The following SUGCT variants were observed in gnomAD, a reference collection of about 807,000 sequenced individuals.
The protein encoded by SUGCT is succinyl-CoA:glutarate CoA-transferase.
A neutral mutation model predicts 55.0 loss-of-function variants in SUGCT; 41 were observed. The observed-to-expected ratio is 0.74, with a 90% CI of 0.58 to 0.97. The LOEUF (loss-of-function observed/expected upper bound fraction) is 0.97. SUGCT is among the 50% of genes least tolerant of loss of function. SUGCT has a pLI of 0.00. For synonymous variants in SUGCT, 187 were observed against 200.4 expected (o/e 0.93, Z 0.56); for missense variants, 568 against 547.8 (o/e 1.04, Z -0.37).
intron 1 of SUGCT, chr7:40,151,836 T>C (rs1050508790): frequency 1.3e-5 from 2 of 152,284 alleles, no homozygotes; most frequent in African/African-American, 4.8e-5. Context: ...CTCCAATCAG[T>C]TTCCCTTAAA....
At chr7:40,884,605 T>C in the SUGCT span, among the ~76,000 whole-genome samples, 1 of 152,170 alleles carries the variant, frequency 6.6e-6, no homozygotes, top group Non-Finnish European at 1.5e-5. Flanking sequence ...TTCCCGCATT[T>C]TTCAAGCAGA....
chr7:41,038,591 G>A, the SUGCT span, among the ~76,000 whole-genome samples: 1 of 152,292 alleles, frequency 6.6e-6, no homozygotes, highest in Non-Finnish European at 1.5e-5. Flanking sequence ...AAGGTGAGTT[G>A]CCTCCTCATC....
At chr7:40,537,817 T>A (rs997771616) in intron 12 of SUGCT, among the ~76,000 whole-genome samples, 1 of 152,164 alleles carries the variant, frequency 6.6e-6, no homozygotes, top group Non-Finnish European at 1.5e-5. Context: ...CCAAACATGG[T>A]CACATGAGGC....
intron 8 of SUGCT, among the ~76,000 whole-genome samples, chr7:40,296,793 C>T (rs1048274334): frequency 7.2e-5 from 11 of 151,738 alleles, no homozygotes; most frequent in Non-Finnish European, 1.5e-4. Flanking sequence ...TAATTGATTT[C>T]GAGCTTATTG....
chr7:40,339,630 C>T (rs1025844093), intron 9 of SUGCT, among the ~76,000 whole-genome samples: 4 of 152,186 alleles, frequency 2.6e-5, no homozygotes, highest in African/African-American at 9.7e-5. Flanking sequence ...CCCGATTTTC[C>T]AGGTGCCATC....
intron 11 of SUGCT, among the ~76,000 whole-genome samples, chr7:40,474,592 C>T (rs1790560295): frequency 6.6e-6 from 1 of 152,174 alleles, no homozygotes; most frequent in African/African-American, 2.4e-5. Context: ...CAGCATGGAA[C>T]TGTTTATACT....
At chr7:40,944,905 A>T in the SUGCT span, among the ~76,000 whole-genome samples, 1 of 152,196 alleles carries the variant, frequency 6.6e-6, no homozygotes, top group Non-Finnish European at 1.5e-5. Context: ...GTTCCTTTGT[A>T]GAGGATGATG....
intron 9 of SUGCT, among the ~76,000 whole-genome samples, chr7:40,348,739 G>T (rs187733908): frequency 2.5e-4 from 38 of 151,982 alleles, no homozygotes; most frequent in African/African-American, 8.7e-4. Context: ...TTTTAGATTT[G>T]TCCTGCATAT....
At chr7:40,961,136 G>C in the SUGCT span, among the ~76,000 whole-genome samples, 2 of 152,272 alleles carry the variant, frequency 1.3e-5, no homozygotes, top group East Asian at 3.9e-4. Flanking sequence ...CCACACTCCT[G>C]ATAAAAGTTA....
At chr7:40,772,530 CTA>C in intron 13 of SUGCT, among the ~76,000 whole-genome samples, 2 of 151,214 alleles carry the variant, frequency 1.3e-5, no homozygotes, top group Non-Finnish European at 1.5e-5. Context: ...ATCTATCTAT[CTA>C]TCTATCTATC....
chr7:41,028,431 A>T, the SUGCT span, among the ~76,000 whole-genome samples: 1 of 152,230 alleles, frequency 6.6e-6, no homozygotes, highest in Non-Finnish European at 1.5e-5. Context: ...TGAGTTGCTT[A>T]ACAACTGGGG....
chr7:40,670,676 T>C (rs748069552), intron 12 of SUGCT, among the ~76,000 whole-genome samples: 3 of 152,110 alleles, frequency 2.0e-5, no homozygotes, highest in Non-Finnish European at 4.4e-5. Context: ...ACAACTTAGA[T>C]GGAATTGGCC....
chr7:40,429,771 C>T (rs1217094788), intron 9 of SUGCT, among the ~76,000 whole-genome samples: 1 of 152,178 alleles, frequency 6.6e-6, no homozygotes, highest in Non-Finnish European at 1.5e-5. Flanking sequence ...TCCTCACAGA[C>T]ACACCCAGGA....
At chr7:40,193,101 G>C (rs1015215222) in intron 5 of SUGCT, among the ~76,000 whole-genome samples, 7 of 150,684 alleles carry the variant, frequency 4.6e-5, no homozygotes, top group African/African-American at 1.7e-4. Context: ...TGTGTAGCTG[G>C]GACTACAGGC....
intron 7 of SUGCT, among the ~76,000 whole-genome samples, chr7:40,263,091 T>G (rs1180543506): frequency 6.6e-6 from 1 of 152,072 alleles, no homozygotes; most frequent in Admixed American, 6.5e-5. Flanking sequence ...TCTGGCTAAT[T>G]TTTGTATTTT....
intron 9 of SUGCT, among the ~76,000 whole-genome samples, chr7:40,431,937 T>G (rs2151388227): frequency 6.6e-6 from 1 of 152,334 alleles, no homozygotes; most frequent in Middle Eastern, 3.4e-3. Context: ...CATTGTTGGT[T>G]TTTTCCCCCA....
At chr7:40,301,974 T>C (rs947566653) in intron 8 of SUGCT, among the ~76,000 whole-genome samples, 1 of 152,216 alleles carries the variant, frequency 6.6e-6, no homozygotes, top group Non-Finnish European at 1.5e-5. Flanking sequence ...TTAAAGTCTG[T>C]GTAGCCCTGG....
At chr7:40,475,388 T>G (rs1349524031) in intron 11 of SUGCT, among the ~76,000 whole-genome samples, 1 of 152,186 alleles carries the variant, frequency 6.6e-6, no homozygotes, top group Non-Finnish European at 1.5e-5. Context: ...ACTGCATTTC[T>G]CCGTCTTGTT....
chr7:40,334,718 T>C (rs191313904), intron 9 of SUGCT, among the ~76,000 whole-genome samples: 125 of 152,352 alleles, frequency 8.2e-4, no homozygotes, highest in African/African-American at 2.9e-3. Flanking sequence ...TTCACTCTGA[T>C]GGTAGTTTCT....
Sources: allele counts gnomAD v4.1 joint callset (sites outside exome capture counted in the v4.1 genomes callset), GRCh38; gene constraint gnomAD v4.1.1; transcripts MANE v1.5; gene names NCBI Gene and HGNC (gene_info 2026-07-23, HGNC 2026-07-21).